Variants in PTK2 observed in about 807,000 individuals in gnomAD.
PTK2 encodes focal adhesion kinase 1.
A neutral mutation model predicts 150.1 loss-of-function variants in PTK2; 45 were observed. The observed-to-expected ratio is 0.30, with a 90% confidence interval of 0.24 to 0.38. PTK2 has a LOEUF of 0.38. Among genes scored for constraint, PTK2 ranks in the 10% least tolerant of loss-of-function variants. The pLI is 1.00. For synonymous variants in PTK2, 432 were observed against 449.2 expected (o/e 0.96, Z 0.48); for missense variants, 919 against 1,307.3 (o/e 0.70, Z 4.58).
At chr8:140,997,909 A>T (rs1434883132) in intron 1 of PTK2, among the ~76,000 whole-genome samples, 1 of 152,236 alleles carries the variant, frequency 6.6e-6, no homozygotes, top group Non-Finnish European at 1.5e-5. Flanking sequence ...ACTGCACTCC[A>T]GCCTGGGTGA....
chr8:140,879,356 A>G lies in PTK2; in HGVS notation c.362+115T>C, dbSNP rs966033677. The G allele has an allele frequency of 1.9e-5, 21 of 1,077,506 alleles. No individual in the cohort carries two copies. In the Admixed American group the frequency reaches 5.7e-4, roughly 29 times the overall value. 66.7% of individuals were successfully genotyped at this position (1,077,506 alleles called of 1,614,324 possible). ...TACTAACGAATTTTATTTATACCAGAGTTGTAATGACAAGCAGTGTGAAAA... is the reference window on the plus strand; with the variant it reads ...TACTAACGAATTTTATTTATACCAGGGTTGTAATGACAAGCAGTGTGAAAA... On this transcript the variant is annotated intron_variant, in intron 4 of 31. Transcript: ENST00000522684.
rs142633754 is a variant in PTK2 at position 140,824,036 on chromosome 8, C to T, written c.649-5016G>A. 2.0e-5 allele frequency among the ~76,000 whole-genome samples: 3 copies of T among 152,232 alleles called. No homozygotes were observed. In the East Asian group the frequency reaches 5.8e-4, roughly 29 times the overall value. On this transcript the variant is annotated intron_variant, in intron 8 of 31. Coordinates refer to ENST00000522684, the Ensembl canonical transcript of PTK2. ...TCTTAAAAAGAAGTTGTGTGCTGTTCTTCTACAACAGGGATTGAAGCCATC... is the reference window on the plus strand; with the variant it reads ...TCTTAAAAAGAAGTTGTGTGCTGTTTTTCTACAACAGGGATTGAAGCCATC...
intron 3 of PTK2, among the ~76,000 whole-genome samples, chr8:140,890,120 C>T (rs2100153726): frequency 1.3e-5 from 2 of 152,266 alleles, no homozygotes; most frequent in South Asian, 4.1e-4. Flanking sequence ...GCCTGACACA[C>T]AGCATATGTT....
intron 2 of PTK2, among the ~76,000 whole-genome samples, chr8:140,917,176 A>C (rs1046941477): frequency 5.3e-5 from 8 of 152,142 alleles, no homozygotes; most frequent in Non-Finnish European, 1.2e-4. Flanking sequence ...GGATTACTTG[A>C]GGTCAGGAGT....
chr8:140,706,086 T>C (rs1266374180), intron 24 of PTK2, 33 bp downstream of exon 27: 1 of 1,516,812 alleles, frequency 6.6e-7, no homozygotes, highest in Non-Finnish European at 9.1e-7. Flanking sequence ...AATAATAAAA[T>C]AACACAGTTT....
At chr8:140,734,218 T>C (rs1033961617) in intron 22 of PTK2, among the ~76,000 whole-genome samples, 3 of 152,008 alleles carry the variant, frequency 2.0e-5, no homozygotes, top group Admixed American at 6.6e-5. Flanking sequence ...AACAAACCCA[T>C]AAAAACTCAC....
chr8:140,917,790 C>G (rs141650414), intron 2 of PTK2, among the ~76,000 whole-genome samples: 1 of 151,986 alleles, frequency 6.6e-6, no homozygotes, highest in African/African-American at 2.4e-5. Flanking sequence ...GACAGAAATC[C>G]AAAAAAGTAA....
At chr8:140,746,415 A>C (rs1384996684) in intron 18 of PTK2, 2 of 189,564 alleles carry the variant, frequency 1.1e-5, no homozygotes, top group Non-Finnish European at 2.2e-5. Flanking sequence ...TAATTTACCC[A>C]AACTCCATTA....
intron 7 of PTK2, among the ~76,000 whole-genome samples, chr8:140,842,421 T>A (rs1598256659): frequency 6.6e-6 from 1 of 152,088 alleles, no homozygotes; most frequent in Non-Finnish European, 1.5e-5. Flanking sequence ...ATAATCATAA[T>A]TATAGTCCAC....
At chr8:140,717,923 C>A (rs2100040696) in intron 22 of PTK2, 2 of 440,490 alleles carry the variant, frequency 4.5e-6, no homozygotes, top group South Asian at 7.3e-5. Context: ...CCATTTAAAG[C>A]ACAGCCATAG....
chr8:140,749,202 C>A (rs1429525526), intron 17 of PTK2, among the ~76,000 whole-genome samples: 2 of 152,160 alleles, frequency 1.3e-5, no homozygotes, highest in African/African-American at 4.8e-5. Context: ...ACACCCAGCA[C>A]ATAATCCAAA....
At chr8:140,697,472 G>A (rs576283206) in intron 26 of PTK2, among the ~76,000 whole-genome samples, 82 of 149,122 alleles carry the variant, frequency 5.5e-4, no homozygotes, top group African/African-American at 2.0e-3. Flanking sequence ...ACGGAGTCTT[G>A]CTCTGTTGCC....
At chr8:140,862,237 G>A (rs2100136619) in intron 5 of PTK2, among the ~76,000 whole-genome samples, 2 of 152,064 alleles carry the variant, frequency 1.3e-5, no homozygotes, top group African/African-American at 4.8e-5. Flanking sequence ...TCGGTGGGTA[G>A]AATTTTTTTT....
At chr8:140,710,728 A>C (rs954911522) in intron 23 of PTK2, among the ~76,000 whole-genome samples, 1 of 152,226 alleles carries the variant, frequency 6.6e-6, no homozygotes. Flanking sequence ...AGAGGTATGT[A>C]GGTTATATGC....
At chr8:140,848,766 G>A (rs894187328) in intron 5 of PTK2, among the ~76,000 whole-genome samples, 2 of 152,070 alleles carry the variant, frequency 1.3e-5, no homozygotes, top group Non-Finnish European at 2.9e-5. Flanking sequence ...AAAGGCGCAA[G>A]AATTAAACCA....
At chr8:140,952,556 T>G (rs1207619526) in intron 1 of PTK2, among the ~76,000 whole-genome samples, 2 of 152,132 alleles carry the variant, frequency 1.3e-5, no homozygotes, top group Non-Finnish European at 2.9e-5. Context: ...GAACTGACAC[T>G]CATGTGGAAA....
chr8:140,912,207 CATTCTAGCCTGGACAACAG>C (rs1432005300), intron 2 of PTK2, among the ~76,000 whole-genome samples: 1 of 151,028 alleles, frequency 6.6e-6, no homozygotes, highest in African/African-American at 2.4e-5. Context: ...TATGACACTG[CATTCTAGCCTGGACAACAG>C]AGTAACACTC....
chr8:140,752,323 T>C lies in PTK2; in HGVS notation c.1333-7A>G. On this transcript the variant is annotated splice_polypyrimidine_tract_variant and splice_region_variant and intron_variant, in intron 16 of 31. Transcript: ENST00000522684. ...CCGCCAAAGCTGGATTCTCCTGTGT[T>C]AGGGAAATTATAGAATCACACACAC... is the stretch of plus-strand genomic sequence containing the variant. 1 of 1,612,074 alleles carries C rather than the reference T, an allele frequency of 6.2e-7. No homozygotes were observed. The highest frequency in any genetic ancestry group is 1.1e-5 in the South Asian group (1 of 91,028).
At chr8:140,884,211 C>A (rs1381023858) in intron 3 of PTK2, among the ~76,000 whole-genome samples, 1 of 152,080 alleles carries the variant, frequency 6.6e-6, no homozygotes, top group African/African-American at 2.4e-5. Flanking sequence ...CAACATTCTA[C>A]CTATGGGAAA....
Sources: allele counts gnomAD v4.1 joint callset (sites outside exome capture counted in the v4.1 genomes callset), GRCh38; gene constraint gnomAD v4.1.1; transcripts MANE v1.5; gene names NCBI Gene and HGNC (gene_info 2026-07-23, HGNC 2026-07-21).